Variants in USP20 observed in about 807,000 individuals in gnomAD.
USP20 encodes ubiquitin specific peptidase 20, also known as ubiquitin carboxyl-terminal hydrolase 20.
Under a neutral mutation model 124.2 loss-of-function variants are expected in USP20, and 80 were observed. That is an observed-to-expected ratio of 0.64 (90% CI 0.54 to 0.78). USP20 has a LOEUF of 0.78. Among genes scored for constraint, USP20 ranks in the 30% least tolerant of loss-of-function variants. The pLI is 0.00. For missense variants in USP20, 1,043 were observed against 1,244.4 expected, an observed-to-expected ratio of 0.84 and a Z score of 2.44; for synonymous variants, 481 against 512.3, an observed-to-expected ratio of 0.94 and a Z score of 0.83.
At chr9:129,871,994 G>T (rs138006393) in intron 15 of USP20, among the ~76,000 whole-genome samples, 2,134 of 152,220 alleles carry the variant, frequency 0.014, 38 homozygotes, top group South Asian at 0.062. Flanking sequence ...GGGATTACCG[G>T]CGTGAGCCAC....
At chr9:129,865,204 C>T (rs2033762684) in intron 9 of USP20, 99 bp from the exon 10 acceptor site, 3 of 1,318,084 alleles carry the variant, frequency 2.3e-6, no homozygotes, top group Non-Finnish European at 2.2e-6. Flanking sequence ...CAGGAAACGC[C>T]ACACTCTGAT....
Position 129,879,410 on chromosome 9 carries a change from T to C in USP20, c.2513-163T>C. 1 of 660,042 alleles carries C rather than the reference T, an allele frequency of 1.5e-6. No homozygotes were observed. 40.9% of individuals were successfully genotyped at this position (660,042 alleles called of 1,614,324 possible). On this transcript the variant is annotated intron_variant, in intron 23 of 25. Transcript: ENST00000372429. The surrounding 1 kb of genome is among the most constrained non-coding windows in gnomAD (Gnocchi z 4.2). Reference sequence around the variant, plus strand: ...CCTGGAAATTCCCTCTGCTGGGTCCTCAGACTGCCACAGAGGAGCATTGGG... The same window carrying C: ...CCTGGAAATTCCCTCTGCTGGGTCCCCAGACTGCCACAGAGGAGCATTGGG...
chr9:129,857,063 A>G (rs894831551), intron 4 of USP20, among the ~76,000 whole-genome samples: 11 of 152,088 alleles, frequency 7.2e-5, no homozygotes, highest in African/African-American at 2.7e-4. Context: ...CTTTAAAAAA[A>G]AAAACCCACG....
chr9:129,845,019 C>T (rs1328718895), intron 1 of USP20, among the ~76,000 whole-genome samples: 2 of 151,996 alleles, frequency 1.3e-5, no homozygotes, highest in Non-Finnish European at 2.9e-5. Flanking sequence ...CCTGTCTCTA[C>T]CAAAAATACA....
rs764786501 is a variant in USP20 at position 129,878,409 on chromosome 9, G to A, written c.2481G>A (p.Glu827=). The A allele has an allele frequency of 6.2e-7, 1 of 1,610,154 alleles. No homozygotes were observed. The highest frequency in any genetic ancestry group is 1.3e-5 in the African/African-American group (1 of 75,036). Residue 827 remains glutamate (E), a synonymous_variant, in exon 23 of 26, where the codon GAG becomes GAA. Coordinates refer to ENST00000372429, the MANE Select transcript of USP20 (RefSeq NM_001110303.4). The part of the protein sequence containing the change: ...IYCISMQWFR[E]WEAFVKGKDN... ...GCATCAGCATGCAGTGGTTCCGGGA[G>A]TGGGAGGCGTTCGTCAAGGGGAAGG... is the stretch of plus-strand genomic sequence containing the variant.
At chr9:129,869,252 CGCACCTCGCCCCG>C in intron 12 of USP20, 45 bp from the exon 13 acceptor site, 1 of 1,538,810 alleles carries the variant, frequency 6.5e-7, no homozygotes, top group East Asian at 2.3e-5. Context: ...CCGCAGGGCC[CGCACCTCGCCCCG>C]GCCAGGCAGG....
At chr9:129,858,651 G>C (rs1415526067) in intron 6 of USP20, 53 bp downstream of exon 6, 1 of 1,598,190 alleles carries the variant, frequency 6.3e-7, no homozygotes, top group African/African-American at 1.4e-5. Flanking sequence ...TGTTGAGGAT[G>C]AGGCAGTGTG....
chr9:129,870,327 G>A (rs1444867592), intron 14 of USP20, 126 bp from the exon 15 acceptor site: 10 of 1,013,732 alleles, frequency 9.9e-6, no homozygotes, highest in Middle Eastern at 2.1e-4. Flanking sequence ...CGCCGTGCCC[G>A]GCTGCTTCTC....
intron 1 of USP20, among the ~76,000 whole-genome samples, chr9:129,840,831 C>T (rs958437210): frequency 7.0e-4 from 99 of 142,036 alleles, no homozygotes; most frequent in African/African-American, 2.6e-3. Context: ...AGTGCAGTGG[C>T]GCCATCTCAG....
intron 9 of USP20, among the ~76,000 whole-genome samples, chr9:129,863,692 A>G (rs1195407230): frequency 6.6e-6 from 1 of 152,230 alleles, no homozygotes; most frequent in Non-Finnish European, 1.5e-5. Context: ...CTTCTGGCAC[A>G]GTATGAAATT....
At chr9:129,864,932 T>G (rs1295700167) in intron 9 of USP20, among the ~76,000 whole-genome samples, 1 of 152,180 alleles carries the variant, frequency 6.6e-6, no homozygotes, top group East Asian at 1.9e-4. Context: ...GGTGGTGGTG[T>G]TTTTCTCTTG....
At chr9:129,865,679 G>GCT (rs1386982879) in intron 10 of USP20, among the ~76,000 whole-genome samples, 1 of 152,098 alleles carries the variant, frequency 6.6e-6, no homozygotes, top group Non-Finnish European at 1.5e-5. Flanking sequence ...TGTGGGGGAG[G>GCT]GTGGGTACAG....
At chr9:129,852,471 C>A in intron 2 of USP20, 69 bp from the exon 3 acceptor site, 1 of 1,413,330 alleles carries the variant, frequency 7.1e-7, no homozygotes, top group Non-Finnish European at 9.7e-7. Context: ...ATGTACTTAA[C>A]CACTCACCTC....
chr9:129,855,498 G>A (rs923792969), intron 3 of USP20, among the ~76,000 whole-genome samples: 3 of 152,018 alleles, frequency 2.0e-5, no homozygotes, highest in African/African-American at 7.2e-5. Flanking sequence ...GGACTGGTAG[G>A]GTAGCTCTGC....
At chr9:129,862,704 A>G (rs1206997757) in intron 8 of USP20, among the ~76,000 whole-genome samples, 4 of 152,074 alleles carry the variant, frequency 2.6e-5, no homozygotes, top group Non-Finnish European at 1.5e-5. Context: ...TCAGGAGTTC[A>G]AGACCAGCCT....
At chr9:129,842,957 G>T (rs1032295485) in intron 1 of USP20, among the ~76,000 whole-genome samples, 2 of 151,944 alleles carry the variant, frequency 1.3e-5, no homozygotes, top group African/African-American at 2.4e-5. Flanking sequence ...TCATAGAAAT[G>T]ATTTTTAACC....
chr9:129,879,656 CT>C lies in USP20; in HGVS notation c.2584+13del. On this transcript the variant is annotated intron_variant, in intron 24 of 25. Transcript: ENST00000372429. The surrounding 1 kb of genome is among the most constrained non-coding windows in gnomAD (Gnocchi z 4.2). Reference sequence around the variant, plus strand: ...CCAGCTGAAGCAGGGTGAGTTCCCCCTGGGGTCAGCCAGGCTCCTCTCTGCC... The same window carrying C: ...CCAGCTGAAGCAGGGTGAGTTCCCCCGGGGTCAGCCAGGCTCCTCTCTGCC... 1 of 1,613,882 alleles carries C rather than the reference CT, an allele frequency of 6.2e-7. No individual in the cohort carries two copies. The highest frequency in any genetic ancestry group is 8.5e-7 in the Non-Finnish European group (1 of 1,179,960).
At position 129,879,543 on chromosome 9, in the gene USP20, C is replaced by A; in HGVS notation, c.2513-30C>A. ...TGGAGGGTGGAGGGCATGGCAGGGG[C>A]TGAACCCGAGCCCGCTGTGTCTGTT... On this transcript the variant is annotated intron_variant, in intron 23 of 25. Transcript: ENST00000372429. This position sits in a 1 kb window ranked among gnomAD's most constrained non-coding sequence, Gnocchi z 4.2. 1 of 1,611,570 alleles carries A rather than the reference C, an allele frequency of 6.2e-7. No homozygotes were observed. Among genetic ancestry groups the A allele is most frequent in the Non-Finnish European group, 8.5e-7 (1 of 1,178,760 alleles).
rs369776171 is a variant in USP20, at chr9:129,874,976, G to A, written c.2048+21G>A. 6 of 1,611,022 alleles carry A rather than the reference G, an allele frequency of 3.7e-6. No individual in the cohort carries two copies. In the East Asian group the frequency reaches 1.1e-4, roughly 30 times the overall value. ...TACAGGTGGGCGCTGGGCCAGGCCT[G>A]GTGGAGGAACCTCACCATCCCCGTC... On this transcript the variant is annotated intron_variant, in intron 19 of 25. Transcript: ENST00000372429.
Sources: allele counts gnomAD v4.1 joint callset (sites outside exome capture counted in the v4.1 genomes callset), GRCh38; gene constraint gnomAD v4.1.1; non-coding constraint Gnocchi (gnomAD v3.1); transcripts MANE v1.5; gene names NCBI Gene and HGNC (gene_info 2026-07-23, HGNC 2026-07-21).